Variants in DKK4 observed in about 807,000 individuals in gnomAD.
DKK4 encodes the protein dickkopf Wnt signaling pathway inhibitor 4.
In DKK4, 15 loss-of-function variants were observed where a neutral mutation model predicts 14.5. That is an observed-to-expected ratio of 1.03 (90% CI 0.69 to 1.59). The LOEUF (loss-of-function observed/expected upper bound fraction) is 1.59, where lower values mean the gene tolerates loss of function less well. DKK4 is among the 40% of genes most tolerant of loss of function. The pLI is 0.00. For synonymous variants in DKK4, 89 were observed against 105.2 expected (o/e 0.85, Z 0.94); for missense variants, 272 against 280.3 (o/e 0.97, Z 0.21).
the DKK4 span, among the ~76,000 whole-genome samples, chr8:42,385,927 T>C: frequency 6.6e-6 from 1 of 152,266 alleles, no homozygotes; most frequent in African/African-American, 2.4e-5. Flanking sequence ...CAGTCATGTA[T>C]ACATATGTAC....
chr8:42,378,121 G>C (rs1824596775), upstream of DKK4, among the ~76,000 whole-genome samples: 1 of 151,850 alleles, frequency 6.6e-6, no homozygotes, highest in Admixed American at 6.6e-5. Context: ...TTTCCATTTG[G>C]ACTATTAGTC....
upstream of DKK4, among the ~76,000 whole-genome samples, chr8:42,378,467 T>C (rs575212935): frequency 1.3e-5 from 2 of 152,322 alleles, no homozygotes; most frequent in African/African-American, 4.8e-5. Context: ...ATTGCTTGTC[T>C]ACCTCTCGTA....
At chr8:42,378,556 G>T (rs1824603202), upstream of DKK4, among the ~76,000 whole-genome samples, 1 of 152,124 alleles carries the variant, frequency 6.6e-6, no homozygotes, top group African/African-American at 2.4e-5. Flanking sequence ...GTGACTAGGG[G>T]TGTTACAGAA....
At chr8:42,376,460 C>G (rs1365446787) in intron 1 of DKK4, among the ~76,000 whole-genome samples, 2 of 152,214 alleles carry the variant, frequency 1.3e-5, no homozygotes, top group Non-Finnish European at 2.9e-5. Context: ...TAAAACAACT[C>G]TCTCTGTGAA....
chr8:42,382,645 G>T, the DKK4 span, among the ~76,000 whole-genome samples: 15 of 152,232 alleles, frequency 9.9e-5, no homozygotes, highest in African/African-American at 3.6e-4. Context: ...AAAGGAAGCC[G>T]TCGTGCGAAG....
chr8:42,380,621 GAAA>G (rs1265316435), upstream of DKK4, among the ~76,000 whole-genome samples: 2 of 138,266 alleles, frequency 1.4e-5, no homozygotes, highest in African/African-American at 3.0e-5. Context: ...AAGAAAAAGA[GAAA>G]GAAAGAAAGA....
chr8:42,390,782 T>G, the DKK4 span, among the ~76,000 whole-genome samples: 1 of 152,208 alleles, frequency 6.6e-6, no homozygotes, highest in Non-Finnish European at 1.5e-5. Flanking sequence ...AGAGGCAAAT[T>G]ACACACTTTT....
At chr8:42,376,882 A>G in intron 1 of DKK4, 53 bp downstream of exon 1, 1 of 1,446,108 alleles carries the variant, frequency 6.9e-7, no homozygotes, top group South Asian at 1.1e-5. Flanking sequence ...CCTAAACAAA[A>G]CACCCCAGCT....
intron 1 of DKK4, 45 bp downstream of exon 1, chr8:42,376,890 G>A (rs1167370164): frequency 1.3e-6 from 2 of 1,489,606 alleles, no homozygotes; most frequent in Non-Finnish European, 9.3e-7. Context: ...AAACACCCCA[G>A]CTGTCAGCAG....
At chr8:42,378,468 A>G (rs531348828), upstream of DKK4, among the ~76,000 whole-genome samples, 44 of 152,132 alleles carry the variant, frequency 2.9e-4, no homozygotes, top group South Asian at 8.7e-3. Context: ...TTGCTTGTCT[A>G]CCTCTCGTAT....
At chr8:42,380,277 A>G (rs1205154116), upstream of DKK4, among the ~76,000 whole-genome samples, 1 of 151,692 alleles carries the variant, frequency 6.6e-6, no homozygotes, top group Admixed American at 6.6e-5. Context: ...AGGCTGCATG[A>G]TCCTATCCCT....
Position 42,377,209 on chromosome 8 carries a change from G to T in DKK4, c.-164C>A. 1 of 594,368 alleles carries T rather than the reference G, an allele frequency of 1.7e-6. No homozygotes were observed. The highest frequency in any genetic ancestry group is 2.9e-6 in the Non-Finnish European group (1 of 339,664). The allele number at this position is 594,368 out of a possible 1,614,324, so 36.8% of individuals were successfully genotyped here. A position where few individuals can be genotyped will look rare whatever the true frequency, so the allele number is the denominator to read the frequency against. On this transcript the variant is annotated 5_prime_UTR_variant, in exon 1 of 4. Transcript: ENST00000220812. The stretch of plus-strand genomic sequence containing the variant: ...AAACCTTAGTCTGAGTAAGGTGCGT[G>T]AAATCGGCTGAGCAAAGTCTGACCA...
At chr8:42,380,591 GGA>G (rs1194485472), upstream of DKK4, among the ~76,000 whole-genome samples, 2 of 146,604 alleles carry the variant, frequency 1.4e-5, no homozygotes, top group African/African-American at 5.0e-5. Flanking sequence ...AAGGAAGGAA[GGA>G]GAGAGAAGGG....
the DKK4 span, among the ~76,000 whole-genome samples, chr8:42,390,773 G>A: frequency 1.3e-5 from 2 of 152,172 alleles, no homozygotes; most frequent in Non-Finnish European, 2.9e-5. Flanking sequence ...GTCCTGAAGA[G>A]AGGCAAATTA....
chr8:42,385,541 G>A, the DKK4 span, among the ~76,000 whole-genome samples: 1 of 152,106 alleles, frequency 6.6e-6, no homozygotes, highest in African/African-American at 2.4e-5. Context: ...CATGGGGAGT[G>A]GGAGGGGAGT....
chr8:42,390,358 CTTTTTT>C, the DKK4 span, among the ~76,000 whole-genome samples: 2 of 99,478 alleles, frequency 2.0e-5, no homozygotes, highest in East Asian at 2.9e-4. Flanking sequence ...CTTTTGCTTC[CTTTTTT>C]TTTTTTTTTT....
rs762630957 is a variant in DKK4 at position 42,374,882 on chromosome 8, T to C, written c.294A>G (p.Pro98=). 5.0e-6 allele frequency: 8 copies of C among 1,614,052 alleles called. No individual in the cohort carries two copies. The African/African-American group carries it at 9.3e-5, about 19-fold the overall frequency. The part of the protein sequence containing the change: ...DVCTTMEDAT[P]ILERQLDEQD... ...GCTCATCAAGCTGCCTTTCTAATAT[T>C]GGGGTTGCATCTTCCATCGTAGTAC... is the stretch of plus-strand genomic sequence containing the variant. The change falls in exon 3 of 4, where the codon CCA becomes CCG. Residue 98 remains proline, a synonymous_variant. Transcript: ENST00000220812.
upstream of DKK4, among the ~76,000 whole-genome samples, chr8:42,381,622 C>T (rs137861906): frequency 5.0e-3 from 755 of 152,254 alleles, 2 homozygotes; most frequent in Admixed American, 7.7e-3. Flanking sequence ...CCCCTGTCTG[C>T]CCTGATCTGT....
chr8:42,375,408 G>A (rs1824537471), intron 2 of DKK4, among the ~76,000 whole-genome samples: 1 of 151,948 alleles, frequency 6.6e-6, no homozygotes, highest in Non-Finnish European at 1.5e-5. Context: ...CGGGCATGGT[G>A]GTACATGCCT....
Sources: gnomAD v4.1 joint callset for allele counts (sites outside exome capture counted in the v4.1 genomes callset) on GRCh38, gnomAD v4.1.1 for gene constraint, MANE v1.5 for transcripts, NCBI Gene and HGNC (gene_info 2026-07-23, HGNC 2026-07-21) for gene names.